The following MATCAP2 variants were observed in gnomAD, a reference collection of about 807,000 sequenced individuals.
MATCAP2 encodes microtubule associated tyrosine carboxypeptidase 2, also known as putative tyrosine carboxypeptidase MATCAP2.
At chr7:36,327,287 C>G in the MATCAP2 span, among the ~76,000 whole-genome samples, 2 of 152,120 alleles carry the variant, frequency 1.3e-5, no homozygotes, top group Admixed American at 1.3e-4. Context: ...TACAGGCGCC[C>G]GCCACCACAC....
At chr7:36,385,817 TAAA>T in the MATCAP2 span, among the ~76,000 whole-genome samples, 2 of 146,210 alleles carry the variant, frequency 1.4e-5, no homozygotes, top group East Asian at 3.9e-4. Context: ...TAAAATAAAA[TAAA>T]ATAAAATAAA....
At chr7:36,354,084 T>A in the MATCAP2 span, among the ~76,000 whole-genome samples, 2 of 152,134 alleles carry the variant, frequency 1.3e-5, no homozygotes, top group African/African-American at 4.8e-5. Flanking sequence ...AAAACAGACA[T>A]CTTGAGTTTC....
chr7:36,356,737 CA>C, the MATCAP2 span: 1 of 648,538 alleles, frequency 1.5e-6, no homozygotes, highest in Non-Finnish European at 2.7e-6. Flanking sequence ...AGTTTATATA[CA>C]GGTAATACTC....
chr7:36,353,848 TAAAG>T, the MATCAP2 span, among the ~76,000 whole-genome samples: 1 of 152,180 alleles, frequency 6.6e-6, no homozygotes, highest in Non-Finnish European at 1.5e-5. Context: ...TTTATTAGAA[TAAAG>T]ATACAATATG....
the MATCAP2 span, among the ~76,000 whole-genome samples, chr7:36,342,949 A>G: frequency 6.6e-6 from 1 of 152,136 alleles, no homozygotes; most frequent in Non-Finnish European, 1.5e-5. Context: ...TTTTACAAAG[A>G]TACATGAGCT....
At chr7:36,376,433 T>C in the MATCAP2 span, among the ~76,000 whole-genome samples, 291 of 152,366 alleles carry the variant, frequency 1.9e-3, 1 homozygote, top group African/African-American at 6.6e-3. Flanking sequence ...AGTTCTAATT[T>C]GATTGCAGTG....
chr7:36,365,675 G>A, the MATCAP2 span, among the ~76,000 whole-genome samples: 1 of 152,186 alleles, frequency 6.6e-6, no homozygotes, highest in Non-Finnish European at 1.5e-5. Flanking sequence ...CTCCACCCTG[G>A]GCGACAGAGC....
chr7:36,353,774 C>A, the MATCAP2 span, among the ~76,000 whole-genome samples: 3 of 152,182 alleles, frequency 2.0e-5, no homozygotes. Context: ...AGCCACCATA[C>A]CCAGCCTCCT....
the MATCAP2 span, among the ~76,000 whole-genome samples, chr7:36,350,597 T>A: frequency 6.6e-6 from 1 of 150,750 alleles, no homozygotes; most frequent in Admixed American, 6.7e-5. Context: ...TGCAATGGCA[T>A]GATCTTGGCT....
the MATCAP2 span, among the ~76,000 whole-genome samples, chr7:36,358,539 G>T: frequency 6.6e-6 from 1 of 152,152 alleles, no homozygotes; most frequent in Non-Finnish European, 1.5e-5. Flanking sequence ...TATTACAAAG[G>T]TATTAATATA....
the MATCAP2 span, chr7:36,326,914 G>T: frequency 6.3e-7 from 1 of 1,593,032 alleles, no homozygotes; most frequent in Non-Finnish European, 8.5e-7. Flanking sequence ...ATCTTCATAA[G>T]AAACCTGAAA....
the MATCAP2 span, among the ~76,000 whole-genome samples, chr7:36,365,697 T>A: frequency 2.6e-5 from 4 of 152,346 alleles, no homozygotes; most frequent in South Asian, 6.2e-4. Context: ...AGACTCCGTC[T>A]CAAAAACAAC....
the MATCAP2 span, among the ~76,000 whole-genome samples, chr7:36,339,054 C>T: frequency 6.6e-6 from 1 of 152,166 alleles, no homozygotes; most frequent in African/African-American, 2.4e-5. Flanking sequence ...ACCCAACCAC[C>T]GTGGACACAT....
the MATCAP2 span, among the ~76,000 whole-genome samples, chr7:36,379,474 A>G: frequency 6.6e-6 from 1 of 152,120 alleles, no homozygotes; most frequent in Non-Finnish European, 1.5e-5. Flanking sequence ...CTGTGTGTGT[A>G]TGTGTATATA....
At chr7:36,387,770 G>T in the MATCAP2 span, among the ~76,000 whole-genome samples, 6 of 152,072 alleles carry the variant, frequency 3.9e-5, no homozygotes, top group African/African-American at 1.4e-4. Context: ...GTCTTAACTA[G>T]AATCTAGTTG....
chr7:36,348,443 A>G, the MATCAP2 span, among the ~76,000 whole-genome samples: 1 of 152,238 alleles, frequency 6.6e-6, no homozygotes, highest in African/African-American at 2.4e-5. Context: ...TTTACATTCC[A>G]ATGCTTTATA....
chr7:36,389,907 A>G, the MATCAP2 span: 34 of 1,574,444 alleles, frequency 2.2e-5, no homozygotes, highest in Non-Finnish European at 2.9e-5. Flanking sequence ...TGGTTGTGGG[A>G]GAGTTCCCCC....
At chr7:36,335,656 CA>C in the MATCAP2 span, among the ~76,000 whole-genome samples, 5 of 152,260 alleles carry the variant, frequency 3.3e-5, no homozygotes, top group African/African-American at 4.8e-5. Context: ...GTAAGAAAAA[CA>C]AAAAGACACT....
the MATCAP2 span, among the ~76,000 whole-genome samples, chr7:36,378,235 G>GT: frequency 1.9e-4 from 29 of 152,252 alleles, no homozygotes; most frequent in Non-Finnish European, 3.5e-4. Context: ...TATCTTTGTG[G>GT]TTTTATCTAC....
Sources: gnomAD v4.1 joint callset for allele counts (sites outside exome capture counted in the v4.1 genomes callset) on GRCh38, gnomAD v4.1.1 for gene constraint, MANE v1.5 for transcripts, NCBI Gene and HGNC (gene_info 2026-07-23, HGNC 2026-07-21) for gene names.